TP53I13: variants seen among roughly 807,000 people sequenced by gnomAD.
TP53I13 encodes the protein tumor protein p53 inducible protein 13.
Under a neutral mutation model 39.1 loss-of-function variants are expected in TP53I13, and 27 were observed. That is an observed-to-expected ratio of 0.69 (90% CI 0.51 to 0.95). The LOEUF is 0.95. Ranked by LOEUF, TP53I13 falls within the 40% of genes least tolerant of loss-of-function variation. The pLI is 0.00. For synonymous variants in TP53I13, 230 were observed against 224.6 expected (o/e 1.02, Z -0.22); for missense variants, 544 against 520.4 (o/e 1.05, Z -0.44).
downstream of TP53I13, chr17:29,575,265 T>G (rs1048582563): frequency 1.9e-6 from 3 of 1,596,128 alleles, no homozygotes. The surrounding 1 kb of genome is among the most constrained non-coding windows in gnomAD (Gnocchi z 5.5). Context: ...TGCATCCCCC[T>G]CACCTCCCCC....
At chr17:29,579,909 C>T in the TP53I13 span, among the ~76,000 whole-genome samples, 6 of 152,248 alleles carry the variant, frequency 3.9e-5, no homozygotes, top group East Asian at 1.9e-4. Flanking sequence ...TGGAACTCTC[C>T]GCTCTCGGGA....
downstream of TP53I13, chr17:29,576,401 G>T: frequency 6.2e-7 from 1 of 1,613,260 alleles, no homozygotes; most frequent in East Asian, 2.2e-5. Flanking sequence ...TGTGGGCACC[G>T]GCCCTGGAGG....
rs1191929275 is a variant in TP53I13, at chr17:29,568,753, C to T, written c.-6C>T. The T allele has an allele frequency of 1.3e-6, 2 of 1,572,936 alleles. No individual in the cohort carries two copies. Among genetic ancestry groups the T allele is most frequent in the Admixed American group, 1.7e-5 (1 of 57,700 alleles). On this transcript the variant is annotated 5_prime_UTR_variant, in exon 1 of 7. Coordinates refer to ENST00000301057, the MANE Select transcript of TP53I13 (RefSeq NM_138349.4). This position sits in a 1 kb window ranked among gnomAD's most constrained non-coding sequence, Gnocchi z 4.5. ...GGGCGGCGGGCCGGGCCCGGGGCCG[C>T]TTGGAATGGCGCCTCCTCCGCCTTC...
At chr17:29,568,620 G>C, upstream of TP53I13, 1 of 365,636 alleles carries the variant, frequency 2.7e-6, no homozygotes, top group East Asian at 1.7e-4. The surrounding 1 kb of genome is among the most constrained non-coding windows in gnomAD (Gnocchi z 4.5). Flanking sequence ...GTCTGGGGAG[G>C]GGCGCGCGCG....
intron 3 of TP53I13, chr17:29,571,253 G>A (rs1296083831): frequency 3.3e-6 from 1 of 301,340 alleles, no homozygotes; most frequent in Non-Finnish European, 6.3e-6. Context: ...TCTTCATTTG[G>A]GGGTTGCTTA....
At chr17:29,574,701 G>A (rs562174936), downstream of TP53I13, 27 of 1,610,528 alleles carry the variant, frequency 1.7e-5, no homozygotes, top group African/African-American at 4.0e-5. Context: ...GGGGAGAGAG[G>A]TCACTGCTTC....
chr17:29,572,070 G>A lies in TP53I13; in HGVS notation c.513+13G>A. The A allele has an allele frequency of 6.2e-7, 1 of 1,612,856 alleles. No individual in the cohort carries two copies. Among genetic ancestry groups the A allele is most frequent in the South Asian group, 1.1e-5 (1 of 91,074 alleles). On this transcript the variant is annotated intron_variant, in intron 5 of 6. Transcript: ENST00000301057. ...AGGGTGTGTGCAGGTGAGAGACGCT[G>A]GGCCCAGGCTTGTTGGCCCTCGGGT...
intron 2 of TP53I13, 48 bp downstream of exon 2, chr17:29,569,134 C>T (rs554407951): frequency 2.8e-5 from 43 of 1,548,838 alleles, no homozygotes; most frequent in East Asian, 2.6e-4. Context: ...AAAGGCTAGC[C>T]CAGTCCCGCT....
At chr17:29,578,793 G>A in the TP53I13 span, 1 of 1,613,714 alleles carries the variant, frequency 6.2e-7, no homozygotes, top group East Asian at 2.2e-5. Flanking sequence ...AGGGCAGAGG[G>A]AGATGGGAAT....
downstream of TP53I13, chr17:29,574,591 T>G (rs2033117421): frequency 2.1e-6 from 2 of 949,138 alleles, no homozygotes; most frequent in East Asian, 4.8e-5. Context: ...GTGGCAGCAC[T>G]AAGGGCACTT....
chr17:29,569,633 G>T (rs2150800233), intron 3 of TP53I13: 2 of 362,940 alleles, frequency 5.5e-6, no homozygotes, highest in Admixed American at 8.3e-5. Context: ...GCTGTGAGTG[G>T]AACTCTCTCT....
chr17:29,566,571 A>T (rs1444273133), upstream of TP53I13: 1 of 1,608,460 alleles, frequency 6.2e-7, no homozygotes. Flanking sequence ...CCACTAGCCC[A>T]TCGTCCGCCA....
At chr17:29,567,119 G>T, upstream of TP53I13, 1 of 469,874 alleles carries the variant, frequency 2.1e-6, no homozygotes, top group Non-Finnish European at 3.0e-6. This position sits in a 1 kb window ranked among gnomAD's most constrained non-coding sequence, Gnocchi z 6.6. Flanking sequence ...GGCAGAGGCA[G>T]CCAGTTCGGG....
At chr17:29,567,056 G>A (rs898462502), upstream of TP53I13, 62 of 1,136,422 alleles carry the variant, frequency 5.5e-5, no homozygotes, top group Non-Finnish European at 6.5e-5. This position sits in a 1 kb window ranked among gnomAD's most constrained non-coding sequence, Gnocchi z 6.6. Context: ...GCCCGCCGGC[G>A]GCGGCTGCCC....
intron 2 of TP53I13, 82 bp downstream of exon 2, chr17:29,569,168 G>T: frequency 6.7e-7 from 1 of 1,503,514 alleles, no homozygotes; most frequent in Non-Finnish European, 9.1e-7. Context: ...ACCCTCCACA[G>T]TCACCATCTG....
In TP53I13 at chr17:29,568,745, C is replaced by A. The variant is rs776924655; in HGVS notation, c.-14C>A. On this transcript the variant is annotated 5_prime_UTR_variant, in exon 1 of 7. Transcript: ENST00000301057. This position sits in a 1 kb window ranked among gnomAD's most constrained non-coding sequence, Gnocchi z 4.5. Reference sequence around the variant, plus strand: ...GAGCGGCTGGGCGGCGGGCCGGGCCCGGGGCCGCTTGGAATGGCGCCTCCT... The same window carrying A: ...GAGCGGCTGGGCGGCGGGCCGGGCCAGGGGCCGCTTGGAATGGCGCCTCCT... The A allele has an allele frequency of 1.9e-6, 3 of 1,559,356 alleles. No homozygotes were observed. The African/African-American group carries it at 4.2e-5, about 22-fold the overall frequency.
At chr17:29,571,346 A>G in intron 3 of TP53I13, 1 of 531,044 alleles carries the variant, frequency 1.9e-6, no homozygotes, top group Non-Finnish European at 3.4e-6. Flanking sequence ...TGGCAGGATT[A>G]TCCAGGCATG....
At chr17:29,582,208 C>G in the TP53I13 span, 1 of 1,276,044 alleles carries the variant, frequency 7.8e-7, no homozygotes, top group Non-Finnish European at 1.1e-6. Flanking sequence ...CACCCACAAG[C>G]TGCACCCTGG....
chr17:29,568,988 G>T lies in TP53I13; in HGVS notation c.73-30G>T, dbSNP rs771226284. 1 of 1,600,040 alleles carries T rather than the reference G, an allele frequency of 6.2e-7. No homozygotes were observed. Among genetic ancestry groups the T allele is most frequent in the Non-Finnish European group, 8.5e-7 (1 of 1,174,582 alleles). On this transcript the variant is annotated intron_variant, in intron 1 of 6. Coordinates refer to ENST00000301057, the MANE Select transcript of TP53I13 (RefSeq NM_138349.4). The surrounding 1 kb of genome is among the most constrained non-coding windows in gnomAD (Gnocchi z 4.5). Reference sequence around the variant, plus strand: ...AGAGGGCAGGGCCTCGCCGCGTCCAGCGCCCCAACTCTTCGCTTTGGACCC... The same window carrying T: ...AGAGGGCAGGGCCTCGCCGCGTCCATCGCCCCAACTCTTCGCTTTGGACCC...
Sources: gnomAD v4.1 joint callset for allele counts (sites outside exome capture counted in the v4.1 genomes callset) on GRCh38, gnomAD v4.1.1 for gene constraint, Gnocchi (gnomAD v3.1) non-coding constraint, MANE v1.5 for transcripts, NCBI Gene and HGNC (gene_info 2026-07-23, HGNC 2026-07-21) for gene names.